ABLIM1: variants seen among roughly 807,000 people sequenced by gnomAD.
ABLIM1 encodes the protein actin binding LIM protein 1, also known as actin-binding LIM protein 1.
A neutral mutation model predicts 107.0 loss-of-function variants in ABLIM1; 40 were observed. The observed-to-expected ratio is 0.37, with a 90% CI of 0.29 to 0.49. The LOEUF (loss-of-function observed/expected upper bound fraction) is 0.49, where lower values mean the gene tolerates loss of function less well. Among genes scored for constraint, ABLIM1 ranks in the 20% least tolerant of loss-of-function variants. The pLI is 0.97. For synonymous variants in ABLIM1, 357 were observed against 357.3 expected (o/e 1.00, Z 0.01); for missense variants, 857 against 1,008.5 (o/e 0.85, Z 2.04).
At chr10:114,484,540 G>T (rs2057893162) in intron 8 of ABLIM1, among the ~76,000 whole-genome samples, 2 of 151,998 alleles carry the variant, frequency 1.3e-5, no homozygotes, top group Non-Finnish European at 2.9e-5. Flanking sequence ...CCACAACCAT[G>T]CCTGGCTAAT....
At chr10:114,654,790 T>G (rs2079420864) in intron 1 of ABLIM1, among the ~76,000 whole-genome samples, 1 of 152,244 alleles carries the variant, frequency 6.6e-6, no homozygotes, top group Non-Finnish European at 1.5e-5. Flanking sequence ...ATCTCTCTAG[T>G]GATCCTCTGC....
chr10:114,627,186 C>A (rs1277449579), intron 1 of ABLIM1, among the ~76,000 whole-genome samples: 2 of 152,168 alleles, frequency 1.3e-5, no homozygotes, highest in East Asian at 3.8e-4. Context: ...ATCACCCAAC[C>A]TGTTGTCAGG....
At chr10:114,597,596 C>T (rs1161996761) in intron 2 of ABLIM1, among the ~76,000 whole-genome samples, 6 of 151,600 alleles carry the variant, frequency 4.0e-5, no homozygotes, top group Admixed American at 3.3e-4. Context: ...AAAAGAAAAA[C>T]AAAAAGAAAA....
chr10:114,492,383 G>T (rs1480949604), intron 6 of ABLIM1, among the ~76,000 whole-genome samples: 1 of 152,192 alleles, frequency 6.6e-6, no homozygotes, highest in Non-Finnish European at 1.5e-5. Context: ...TTTATCTCAA[G>T]GGGGGCCCTA....
intron 1 of ABLIM1, among the ~76,000 whole-genome samples, chr10:114,622,252 T>C (rs963649720): frequency 1.1e-4 from 16 of 150,810 alleles, no homozygotes; most frequent in African/African-American, 2.9e-4. Context: ...TTTTTCTTTT[T>C]TTTTTTTTTT....
chr10:114,632,483 C>A, intron 1 of ABLIM1: 4 of 985,308 alleles, frequency 4.1e-6, no homozygotes, highest in Non-Finnish European at 4.8e-6. Context: ...ATAAAATTGG[C>A]CTTAATGTAA....
At chr10:114,441,429 T>C (rs1198032442) in intron 18 of ABLIM1, among the ~76,000 whole-genome samples, 1 of 152,246 alleles carries the variant, frequency 6.6e-6, no homozygotes, top group African/African-American at 2.4e-5. Context: ...TTCAAGTAAT[T>C]ACTTTTTGTT....
chr10:114,722,260 G>A (rs2081864614), intron 1 of ABLIM1, among the ~76,000 whole-genome samples: 1 of 152,136 alleles, frequency 6.6e-6, no homozygotes, highest in Admixed American at 6.6e-5. Flanking sequence ...ATGGTGGAAG[G>A]CAAAGGGGAA....
intron 7 of ABLIM1, among the ~76,000 whole-genome samples, chr10:114,489,854 C>G (rs986186014): frequency 6.6e-6 from 1 of 152,214 alleles, no homozygotes. Context: ...AAGCACAACT[C>G]CAGAAGGTTT....
chr10:114,488,093 A>G (rs1435234625), intron 7 of ABLIM1, 77 bp from the exon 8 acceptor site: 3 of 1,427,086 alleles, frequency 2.1e-6, no homozygotes, highest in Non-Finnish European at 3.0e-6. Context: ...ACTTCTGAGA[A>G]TGGCTCCTAT....
chr10:114,503,578 G>A (rs767297583), intron 6 of ABLIM1, among the ~76,000 whole-genome samples: 1 of 152,136 alleles, frequency 6.6e-6, no homozygotes. Flanking sequence ...TGGGAATAGA[G>A]AGTATGTGGC....
At chr10:114,562,603 T>C (rs1354958429) in intron 4 of ABLIM1, among the ~76,000 whole-genome samples, 1 of 152,182 alleles carries the variant, frequency 6.6e-6, no homozygotes, top group Non-Finnish European at 1.5e-5. Context: ...AATAACTGCT[T>C]CCCCTGTTAA....
rs1358632768 is a variant in ABLIM1, at chr10:114,632,828, C to G, written c.244+25129G>C. ...ACTCCAGTCACAATTAAGGGACAAACAGCCTCATCTAGTTCGGTCCACCAC... is the reference window on the plus strand; with the variant it reads ...ACTCCAGTCACAATTAAGGGACAAAGAGCCTCATCTAGTTCGGTCCACCAC... On this transcript the variant is annotated intron_variant, in intron 1 of 22. Transcript: ENST00000533213. 5 of 976,186 alleles carry G rather than the reference C, an allele frequency of 5.1e-6. No homozygotes were observed. In the African/African-American group the frequency reaches 8.8e-5, roughly 17 times the overall value. 60.5% of individuals were successfully genotyped at this position (976,186 alleles called of 1,614,324 possible). A position where few individuals can be genotyped will look rare whatever the true frequency, so the allele number is the denominator to read the frequency against.
At chr10:114,526,999 A>T in intron 6 of ABLIM1, 4 of 982,818 alleles carry the variant, frequency 4.1e-6, no homozygotes, top group Admixed American at 6.1e-5. Flanking sequence ...GAGGGGGAGT[A>T]GATTTACTTT....
intron 12 of ABLIM1, among the ~76,000 whole-genome samples, chr10:114,460,373 G>T (rs929511180): frequency 6.6e-6 from 1 of 152,230 alleles, no homozygotes; most frequent in African/African-American, 2.4e-5. Flanking sequence ...GCCCCAGGCG[G>T]CCAGATCATT....
rs567699486 is a variant in ABLIM1, at chr10:114,528,079, G to A, written c.894+16926C>T. On this transcript the variant is annotated intron_variant, in intron 6 of 22. Coordinates refer to ENST00000533213, the MANE Select transcript of ABLIM1 (RefSeq NM_002313.7). ...TCTCGATCTCTTGACCTTGTGATCC[G>A]CCCGCCTCAGCCTCCCAAAGTGCTG... Among the ~76,000 whole-genome samples, 27 of 151,744 alleles carry A rather than the reference G, an allele frequency of 1.8e-4. No individual in the cohort carries two copies. In the East Asian group the frequency reaches 2.5e-3, roughly 14 times the overall value.
intron 1 of ABLIM1, chr10:114,690,493 C>T: frequency 6.5e-7 from 1 of 1,547,230 alleles, no homozygotes; most frequent in Non-Finnish European, 8.9e-7. Flanking sequence ...AAGCGGGAGC[C>T]CTTACAACCA....
At chr10:114,676,443 C>G (rs1411905808) in intron 1 of ABLIM1, among the ~76,000 whole-genome samples, 1 of 151,990 alleles carries the variant, frequency 6.6e-6, no homozygotes, top group Non-Finnish European at 1.5e-5. Context: ...CGACACTGCA[C>G]TCCAGCCTGG....
At chr10:114,685,475 C>T (rs185940416), upstream of ABLIM1, among the ~76,000 whole-genome samples, 5 of 152,304 alleles carry the variant, frequency 3.3e-5, no homozygotes, top group African/African-American at 1.2e-4. Flanking sequence ...AGAGTCCTGG[C>T]TTACTCTCTT....
Sources: gnomAD v4.1 joint callset for allele counts (sites outside exome capture counted in the v4.1 genomes callset) on GRCh38, gnomAD v4.1.1 for gene constraint, MANE v1.5 for transcripts, NCBI Gene and HGNC (gene_info 2026-07-23, HGNC 2026-07-21) for gene names.